EIF2D: variants seen among roughly 807,000 people sequenced by gnomAD.
EIF2D encodes eukaryotic translation initiation factor 2D.
EIF2D carries 56 observed loss-of-function variants against 77.4 expected under a neutral mutation model. That is an observed-to-expected ratio of 0.72 (90% CI 0.58 to 0.90). EIF2D has a LOEUF of 0.90. EIF2D is among the 40% of genes least tolerant of loss of function. The pLI, the probability that EIF2D is intolerant of heterozygous loss-of-function variation, is 0.00. For synonymous variants in EIF2D, 230 were observed against 271.0 expected (o/e 0.85, Z 1.49); for missense variants, 574 against 706.5 (o/e 0.81, Z 2.13).
chr1:206,594,729 C>T (rs1669553921), intron 13 of EIF2D: 1 of 152,132 alleles, frequency 6.6e-6, no homozygotes. Context: ...CTTGCAGACT[C>T]TCCAGAAAAA....
In EIF2D at chr1:206,584,438, C is replaced by G; in HGVS notation, c.139-3276G>C. On this transcript the variant is annotated intron_variant and NMD_transcript_variant, in intron 2 of 5. Coordinates refer to the EIF2D transcript ENST00000472709. This position sits in a 1 kb window ranked among gnomAD's most constrained non-coding sequence, Gnocchi z 4.9. ...CATCAAAGTGCATCTGAAACTCCGGCGGCCTGTGACGGTGCCTGCTGGGAT... is the reference window on the plus strand; with the variant it reads ...CATCAAAGTGCATCTGAAACTCCGGGGGCCTGTGACGGTGCCTGCTGGGAT... The G allele has an allele frequency of 1.2e-6, 2 of 1,614,062 alleles. No individual in the cohort carries two copies. The highest frequency in any genetic ancestry group is 1.1e-5 in the South Asian group (1 of 91,076).
chr1:206,611,339 G>C lies in EIF2D; in HGVS notation c.92C>G (p.Pro31Arg), dbSNP rs1274821209. ...AGAGACTTGATCAGTTCCAAGGGTG[G>C]GGAAAGCAGTTGTCACATCAGCTCG... ...KLRADVTTAF[P>R]TLGTDQVSEL... Residue 31 changes from proline to arginine, a missense_variant, in exon 2 of 15, where the codon CCC becomes CGC. Physicochemically the swap from Pro to Arg is moderately radical, Grantham distance 103. Transcript: ENST00000271764. 1 of 1,614,152 alleles carries C rather than the reference G, an allele frequency of 6.2e-7. No individual in the cohort carries two copies. Among genetic ancestry groups the C allele is most frequent in the East Asian group, 2.2e-5 (1 of 44,880 alleles).
downstream of EIF2D, chr1:206,589,216 T>C (rs1669261467): frequency 6.5e-6 from 1 of 152,772 alleles, no homozygotes; most frequent in African/African-American, 2.4e-5. Context: ...TATTTTCTTT[T>C]TAAATGTCTT....
rs782273235 is a variant in EIF2D at position 206,599,737 on chromosome 1, GGT to G, written c.1046_1047del (p.His349ProfsTer22). 6.2e-7 allele frequency: 1 copy of G among 1,614,110 alleles called. No homozygotes were observed. The highest frequency in any genetic ancestry group is 8.5e-7 in the Non-Finnish European group (1 of 1,180,014). ...TGACAGGCCCCCTGCACTCACCTCGGGTGTTTCCAGTCCACAGCCACAATGCT... is the reference window on the plus strand; with the variant it reads ...TGACAGGCCCCCTGCACTCACCTCGGGTTTCCAGTCCACAGCCACAATGCT... ...VESIVAVDWK[H>X]PRITSFVIPE... On this transcript the variant is annotated frameshift_variant, in exon 9 of 15. Transcript: ENST00000271764. LOFTEE classifies it high-confidence loss of function. The surrounding 1 kb of genome is among the most constrained non-coding windows in gnomAD (Gnocchi z 4.1).
chr1:206,576,554 G>A (rs1668666071), intron 4 of EIF2D, among the ~76,000 whole-genome samples: 1 of 152,214 alleles, frequency 6.6e-6, no homozygotes, highest in South Asian at 2.1e-4. Context: ...GGAAACATAG[G>A]AAGTATGATT....
intron 5 of EIF2D, among the ~76,000 whole-genome samples, chr1:206,571,791 T>G (rs943573234): frequency 1.3e-5 from 2 of 152,184 alleles, no homozygotes; most frequent in Admixed American, 6.5e-5. Context: ...GACGCTGACC[T>G]AGGTGAGGCT....
chr1:206,610,797 G>A (rs1164084923), intron 2 of EIF2D, among the ~76,000 whole-genome samples: 1 of 152,106 alleles, frequency 6.6e-6, no homozygotes, highest in Non-Finnish European at 1.5e-5. Context: ...CTCCAGCCTG[G>A]GCAACAGAGC....
At chr1:206,609,539 C>A in intron 2 of EIF2D, 80 bp from the exon 3 acceptor site, 1 of 1,155,434 alleles carries the variant, frequency 8.7e-7, no homozygotes, top group South Asian at 1.4e-5. Flanking sequence ...ACACTATGGT[C>A]ACTTTAATTA....
downstream of EIF2D, among the ~76,000 whole-genome samples, chr1:206,589,765 G>A (rs536795915): frequency 6.6e-6 from 1 of 152,232 alleles, no homozygotes; most frequent in East Asian, 1.9e-4. Flanking sequence ...TTTCATCAAA[G>A]GAACATCTCA....
At position 206,599,857 on chromosome 1, in the gene EIF2D, G is replaced by A. The variant is rs782339353; in HGVS notation, c.949-21C>T. The A allele has an allele frequency of 1.2e-6, 2 of 1,608,518 alleles. No homozygotes were observed. Among genetic ancestry groups the A allele is most frequent in the Non-Finnish European group, 1.7e-6 (2 of 1,175,440 alleles). On this transcript the variant is annotated intron_variant, in intron 8 of 14. Coordinates refer to ENST00000271764, the MANE Select transcript of EIF2D (RefSeq NM_006893.3). The surrounding 1 kb of genome is among the most constrained non-coding windows in gnomAD (Gnocchi z 4.1). ...GAGAGCTAAGGGAGAGAGGGCCAGT[G>A]GTAGGGGACTTCATTGATTCCACAC...
intron 13 of EIF2D, chr1:206,594,860 C>T (rs1669572228): frequency 6.6e-6 from 1 of 152,154 alleles, no homozygotes; most frequent in Non-Finnish European, 1.5e-5. Context: ...GTGTCTGGCA[C>T]ATAATTAAAC....
downstream of EIF2D, among the ~76,000 whole-genome samples, chr1:206,569,724 T>G (rs1221897739): frequency 1.3e-5 from 2 of 152,226 alleles, no homozygotes; most frequent in Non-Finnish European, 2.9e-5. Context: ...AGCACAGGCT[T>G]CTGTGCCCCT....
downstream of EIF2D, chr1:206,588,778 C>T (rs1553408308): frequency 6.5e-6 from 1 of 152,688 alleles, no homozygotes; most frequent in African/African-American, 2.4e-5. Context: ...TTATCACTTC[C>T]CTCCCTTTAG....
intron 2 of EIF2D, chr1:206,583,343 C>T: frequency 1.9e-6 from 3 of 1,613,638 alleles, no homozygotes; most frequent in Non-Finnish European, 2.5e-6. Context: ...TCGACAGCTA[C>T]AACACGCGAG....
At chr1:206,583,161 G>T in intron 2 of EIF2D, 1 of 737,206 alleles carries the variant, frequency 1.4e-6, no homozygotes, top group Non-Finnish European at 2.4e-6. Flanking sequence ...ACTCTGCAGG[G>T]CTGGATGCTC....
chr1:206,599,356 G>GAA lies in EIF2D; in HGVS notation c.1202+106_1202+107insTT. ...CTGGATTTTGGAGAAGGGGAGAACA[G>GAA]GGGCAGAGCAGGTTTTGCCAGTCGC... On this transcript the variant is annotated intron_variant, in intron 10 of 14. Transcript: ENST00000271764. The surrounding 1 kb of genome is among the most constrained non-coding windows in gnomAD (Gnocchi z 4.1). 7.0e-7 allele frequency: 1 copy of GAA among 1,422,688 alleles called. No individual in the cohort carries two copies. Among genetic ancestry groups the GAA allele is most frequent in the Non-Finnish European group, 9.6e-7 (1 of 1,042,328 alleles). The allele number at this position is 1,422,688 out of a possible 1,614,324, so 88.1% of individuals were successfully genotyped here.
In EIF2D at chr1:206,612,309, T is replaced by C. The variant is rs1572420896; in HGVS notation, c.34A>G (p.Thr12Ala). ...CACCTGTCCGACCCCTTGATGGCCG[T>C]GTTGGACTTGACCCGAAAGGCCTTG... ...FAKAFRVKSN[T>A]AIKGSDRRKL... Residue 12 changes from threonine to alanine, a missense_variant, in exon 1 of 15, where the codon ACG becomes GCG. Coordinates refer to ENST00000271764, the MANE Select transcript of EIF2D (RefSeq NM_006893.3). 23 of 1,614,176 alleles carry C rather than the reference T, an allele frequency of 1.4e-5. No homozygotes were observed. The highest frequency in any genetic ancestry group is 1.9e-5 in the Non-Finnish European group (23 of 1,180,014).
chr1:206,582,668 A>G (rs1017332682), intron 2 of EIF2D, among the ~76,000 whole-genome samples: 2 of 152,164 alleles, frequency 1.3e-5, no homozygotes, highest in African/African-American at 4.8e-5. Flanking sequence ...TGACAAATAG[A>G]TATTTACTTC....
chr1:206,602,462 A>C lies in EIF2D; in HGVS notation c.785-9T>G. ...CAGCTCATCCATTTGTTCTGCAGGG[A>C]AAAGACAAGAGCCACATCCTTCCTG... On this transcript the variant is annotated splice_polypyrimidine_tract_variant and intron_variant, in intron 6 of 14. Coordinates refer to ENST00000271764, the MANE Select transcript of EIF2D (RefSeq NM_006893.3). 1 of 1,611,220 alleles carries C rather than the reference A, an allele frequency of 6.2e-7. No homozygotes were observed. Among genetic ancestry groups the C allele is most frequent in the South Asian group, 1.1e-5 (1 of 91,016 alleles).
Sources: gnomAD v4.1 joint callset for allele counts (sites outside exome capture counted in the v4.1 genomes callset) on GRCh38, gnomAD v4.1.1 for gene constraint, Gnocchi (gnomAD v3.1) non-coding constraint, MANE v1.5 for transcripts, NCBI Gene and HGNC (gene_info 2026-07-23, HGNC 2026-07-21) for gene names.